The following FGF14 variants were observed in gnomAD, a reference collection of about 807,000 sequenced individuals.
The protein encoded by FGF14 is fibroblast growth factor homologous factor 4.
A neutral mutation model predicts 25.5 loss-of-function variants in FGF14; 5 were observed. The observed-to-expected ratio is 0.20, with a 90% CI of 0.10 to 0.41. The LOEUF is 0.41. Among genes scored for constraint, FGF14 ranks in the 10% least tolerant of loss-of-function variants. The pLI is 1.00. For synonymous variants in FGF14, 138 were observed against 118.3 expected, an observed-to-expected ratio of 1.17 and a Z score of -1.08; for missense variants, 222 against 320.1, an observed-to-expected ratio of 0.69 and a Z score of 2.34.
At chr13:101,814,132 T>C (rs779557730) in intron 3 of FGF14, among the ~76,000 whole-genome samples, 1 of 152,130 alleles carries the variant, frequency 6.6e-6, no homozygotes, top group Non-Finnish European at 1.5e-5. Flanking sequence ...AAAAGCATGG[T>C]TTCCAGAACA....
rs1342515091 is a variant in FGF14, at chr13:101,713,939, A to G, written c.*8892T>C. On this transcript the variant is annotated 3_prime_UTR_variant, in exon 5 of 5. Coordinates refer to ENST00000376143, the MANE Select transcript of FGF14 (RefSeq NM_004115.4). ...TTTTAGCACTTTAATTAGCCACCCA[A>G]TATGCAGGTGTGCTCCTACTCCAAG... 1.3e-5 allele frequency: 2 copies of G among 153,252 alleles called. No individual in the cohort carries two copies. Among genetic ancestry groups the G allele is most frequent in the African/African-American group, 4.8e-5 (2 of 41,448 alleles). 9.5% of individuals were successfully genotyped at this position (153,252 alleles called of 1,614,324 possible). A position where few individuals can be genotyped will look rare whatever the true frequency, so the allele number is the denominator to read the frequency against.
At chr13:101,902,304 T>A (rs1161491276) in intron 1 of FGF14, among the ~76,000 whole-genome samples, 2 of 152,190 alleles carry the variant, frequency 1.3e-5, no homozygotes, top group Non-Finnish European at 2.9e-5. Flanking sequence ...TTTCTTTTTT[T>A]AAGCTTCTTG....
Position 101,916,715 on chromosome 13 carries a change from A to AGGC in FGF14, c.-73_-71dup. 7.3e-7 allele frequency: 1 copy of AGGC among 1,362,356 alleles called. No homozygotes were observed. Among genetic ancestry groups the AGGC allele is most frequent in the Non-Finnish European group, 9.7e-7 (1 of 1,027,992 alleles). The allele number at this position is 1,362,356 out of a possible 1,614,324, so 84.4% of individuals were successfully genotyped here. A position where few individuals can be genotyped will look rare whatever the true frequency, so the allele number is the denominator to read the frequency against. On this transcript the variant is annotated 5_prime_UTR_variant, in exon 1 of 5. Coordinates refer to ENST00000376143, the MANE Select transcript of FGF14 (RefSeq NM_004115.4). ...GGCGAGCCGGGGGCACCGGAGGGGA[A>AGGC]GGCGGCGGCGCAGACCGTGGCTCGC...
At chr13:102,120,499 C>A (rs1175866836) in intron 1 of FGF14, among the ~76,000 whole-genome samples, 1 of 152,150 alleles carries the variant, frequency 6.6e-6, no homozygotes, top group East Asian at 1.9e-4. Flanking sequence ...TAGGCCACTA[C>A]CAGTGTTTTC....
intron 1 of FGF14, among the ~76,000 whole-genome samples, chr13:102,370,635 G>A (rs1251731199): frequency 6.6e-6 from 1 of 151,782 alleles, no homozygotes; most frequent in African/African-American, 2.4e-5. Context: ...ATCATTATGT[G>A]TCAGACAACT....
chr13:102,391,835 T>C (rs1359858330), intron 1 of FGF14, among the ~76,000 whole-genome samples: 1 of 152,238 alleles, frequency 6.6e-6, no homozygotes, highest in African/African-American at 2.4e-5. Flanking sequence ...TCAGTTCTCC[T>C]AGCAGACAGG....
intron 1 of FGF14, among the ~76,000 whole-genome samples, chr13:102,333,016 G>T (rs565146454): frequency 6.6e-6 from 1 of 152,196 alleles, no homozygotes; most frequent in South Asian, 2.1e-4. Context: ...CTCTTATGAA[G>T]ATATTTCTAT....
chr13:102,393,600 A>C (rs1029711973), intron 1 of FGF14, among the ~76,000 whole-genome samples: 5 of 152,260 alleles, frequency 3.3e-5, no homozygotes, highest in Non-Finnish European at 5.9e-5. Context: ...CGAAAATCTT[A>C]AAACTGTCTA....
intron 3 of FGF14, among the ~76,000 whole-genome samples, chr13:101,827,099 A>G (rs935561839): frequency 6.6e-6 from 1 of 152,024 alleles, no homozygotes; most frequent in Non-Finnish European, 1.5e-5. Context: ...AGAAATTTCT[A>G]TTTTTGTTAA....
intron 1 of FGF14, among the ~76,000 whole-genome samples, chr13:102,011,028 T>C (rs2040051931): frequency 6.6e-6 from 1 of 152,188 alleles, no homozygotes; most frequent in Admixed American, 6.5e-5. Context: ...ATGCCATTGT[T>C]CATTTTAGTG....
At chr13:101,759,912 TTCTTA>T (rs2037906674) in intron 3 of FGF14, among the ~76,000 whole-genome samples, 1 of 152,158 alleles carries the variant, frequency 6.6e-6, no homozygotes, top group Non-Finnish European at 1.5e-5. Flanking sequence ...TTTCCCTCTC[TTCTTA>T]TAAGCTAAAC....
chr13:101,819,979 T>G (rs2042032018), intron 3 of FGF14, among the ~76,000 whole-genome samples: 1 of 152,208 alleles, frequency 6.6e-6, no homozygotes, highest in Admixed American at 6.5e-5. Context: ...ATTTTTCTCA[T>G]CTAAGATCCA....
intron 1 of FGF14, among the ~76,000 whole-genome samples, chr13:101,981,128 C>CACACACAA (rs1260952239): frequency 7.0e-6 from 1 of 143,854 alleles, no homozygotes; most frequent in African/African-American, 2.6e-5. Context: ...CACACACACA[C>CACACACAA]AATTAGCCAG....
intron 1 of FGF14, among the ~76,000 whole-genome samples, chr13:101,995,806 A>G (rs1351698329): frequency 1.3e-5 from 2 of 152,180 alleles, no homozygotes; most frequent in African/African-American, 4.8e-5. Context: ...TCTAAACATT[A>G]AAACAATTGA....
At chr13:102,012,193 G>A (rs2040116387) in intron 1 of FGF14, among the ~76,000 whole-genome samples, 1 of 152,120 alleles carries the variant, frequency 6.6e-6, no homozygotes, top group South Asian at 2.1e-4. Flanking sequence ...GAAATGGACA[G>A]AAGAGAAGGA....
At chr13:101,820,629 G>C (rs535803753) in intron 3 of FGF14, among the ~76,000 whole-genome samples, 1 of 88,668 alleles carries the variant, frequency 1.1e-5, no homozygotes, top group African/African-American at 3.0e-5. Flanking sequence ...GCTATGCAAG[G>C]GGAATTGTGA....
intron 1 of FGF14, among the ~76,000 whole-genome samples, chr13:102,172,628 C>T (rs1023307469): frequency 3.9e-5 from 6 of 152,132 alleles, no homozygotes; most frequent in Non-Finnish European, 7.4e-5. Flanking sequence ...TGACTGTGAT[C>T]AGCATGAGCT....
intron 1 of FGF14, among the ~76,000 whole-genome samples, chr13:102,020,744 G>A (rs1293788873): frequency 6.6e-6 from 1 of 152,036 alleles, no homozygotes; most frequent in Non-Finnish European, 1.5e-5. Flanking sequence ...GCAGCATTTA[G>A]CAACTAGAGT....
chr13:101,878,324 C>G (rs557043123), intron 1 of FGF14, among the ~76,000 whole-genome samples: 95 of 152,314 alleles, frequency 6.2e-4, no homozygotes, highest in African/African-American at 2.2e-3. Flanking sequence ...TCCTCCTCCC[C>G]ACTCTGGTTC....
Sources: gnomAD v4.1 joint callset for allele counts (sites outside exome capture counted in the v4.1 genomes callset) on GRCh38, gnomAD v4.1.1 for gene constraint, MANE v1.5 for transcripts, NCBI Gene and HGNC (gene_info 2026-07-23, HGNC 2026-07-21) for gene names.